FGF14: variants seen among roughly 807,000 people sequenced by gnomAD.
FGF14 encodes fibroblast growth factor 14, also known as fibroblast growth factor homologous factor 4.
In FGF14, 5 loss-of-function variants were observed where a neutral mutation model predicts 25.5. The observed-to-expected ratio is 0.20, with a 90% CI of 0.10 to 0.41. FGF14 has a LOEUF of 0.41. Ranked by LOEUF, FGF14 falls within the 10% of genes least tolerant of loss-of-function variation. The pLI is 1.00. For missense variants in FGF14, 222 were observed against 320.1 expected, an observed-to-expected ratio of 0.69 and a Z score of 2.34; for synonymous variants, 138 against 118.3, an observed-to-expected ratio of 1.17 and a Z score of -1.08.
At chr13:101,922,774 G>A (rs1013628194) in intron 1 of FGF14, among the ~76,000 whole-genome samples, 1 of 150,460 alleles carries the variant, frequency 6.6e-6, no homozygotes, top group African/African-American at 2.4e-5. Context: ...GGCATACATT[G>A]TTTGCCTTCC....
chr13:101,943,290 T>C (rs2035569252), intron 1 of FGF14, among the ~76,000 whole-genome samples: 1 of 152,176 alleles, frequency 6.6e-6, no homozygotes, highest in Non-Finnish European at 1.5e-5. Context: ...TGCTACCATC[T>C]ACTAGATTGT....
intron 1 of FGF14, among the ~76,000 whole-genome samples, chr13:102,202,143 A>T (rs1180139812): frequency 1.3e-5 from 2 of 152,188 alleles, no homozygotes; most frequent in African/African-American, 4.8e-5. Context: ...CCAGAAGCAG[A>T]TGCTGCCATG....
At chr13:101,959,405 A>T (rs1377756709) in intron 1 of FGF14, among the ~76,000 whole-genome samples, 2 of 152,100 alleles carry the variant, frequency 1.3e-5, no homozygotes, top group African/African-American at 4.8e-5. Flanking sequence ...TTGTTTAACT[A>T]CAGGTATATT....
At chr13:102,289,958 C>G (rs1049138639) in intron 1 of FGF14, among the ~76,000 whole-genome samples, 1 of 152,050 alleles carries the variant, frequency 6.6e-6, no homozygotes, top group South Asian at 2.1e-4. Flanking sequence ...GAAGTCAGAA[C>G]GTGGTAGCCT....
intron 1 of FGF14, among the ~76,000 whole-genome samples, chr13:102,230,307 T>C (rs1355808922): frequency 6.6e-6 from 1 of 152,230 alleles, no homozygotes; most frequent in South Asian, 2.1e-4. Flanking sequence ...GAGTTTATGA[T>C]ATTTCTTTAT....
chr13:101,851,960 G>C (rs1001566367), intron 3 of FGF14, among the ~76,000 whole-genome samples: 7 of 152,096 alleles, frequency 4.6e-5, no homozygotes, highest in African/African-American at 1.7e-4. Context: ...GCTTGTAGGT[G>C]GTGGAATCAG....
At chr13:102,174,682 A>T (rs1016840336) in intron 1 of FGF14, among the ~76,000 whole-genome samples, 2 of 152,160 alleles carry the variant, frequency 1.3e-5, no homozygotes, top group African/African-American at 4.8e-5. Flanking sequence ...ACAGAAAAGC[A>T]AACACCACAT....
At chr13:102,065,456 T>C (rs895695011) in intron 1 of FGF14, among the ~76,000 whole-genome samples, 23 of 152,182 alleles carry the variant, frequency 1.5e-4, no homozygotes, top group African/African-American at 5.1e-4. Context: ...TCTGGTACAT[T>C]GGTATCCCTA....
chr13:102,378,677 C>A (rs892024821), intron 1 of FGF14, among the ~76,000 whole-genome samples: 1 of 150,200 alleles, frequency 6.7e-6, no homozygotes, highest in Non-Finnish European at 1.5e-5. Flanking sequence ...TATTTAAAGG[C>A]GGTATTCTCC....
chr13:102,167,073 GGTGGATCACCT>G (rs2048043932), intron 1 of FGF14, among the ~76,000 whole-genome samples: 1 of 152,072 alleles, frequency 6.6e-6, no homozygotes, highest in South Asian at 2.1e-4. Context: ...GGCCGAGGCA[GGTGGATCACCT>G]GAGGTCAGGA....
At position 102,217,106 on chromosome 13, in the gene FGF14, A is replaced by C. The variant is rs111500561; in HGVS notation, c.208+184365T>G. 1.7e-3 allele frequency among the ~76,000 whole-genome samples: 259 copies of C among 152,324 alleles called. 2 individuals are homozygous for C. Among genetic ancestry groups the C allele is most frequent in the African/African-American group, 6.0e-3 (251 of 41,590 alleles). ...CTTGGCTATTTGTGAATAGGGCTACAATAAACACAGGAGTGCAGGTATCTT... is the reference window on the plus strand; with the variant it reads ...CTTGGCTATTTGTGAATAGGGCTACCATAAACACAGGAGTGCAGGTATCTT... On this transcript the variant is annotated intron_variant, in intron 1 of 4. Coordinates refer to the FGF14 transcript ENST00000376131.
At chr13:101,979,959 T>C (rs1331575668) in intron 1 of FGF14, among the ~76,000 whole-genome samples, 1 of 152,180 alleles carries the variant, frequency 6.6e-6, no homozygotes, top group Non-Finnish European at 1.5e-5. Flanking sequence ...CAACACTAAA[T>C]CGTTTGCTGC....
intron 1 of FGF14, among the ~76,000 whole-genome samples, chr13:101,938,114 G>A (rs937882671): frequency 2.6e-5 from 4 of 152,236 alleles, no homozygotes; most frequent in African/African-American, 4.8e-5. Flanking sequence ...GGTTCTGCCA[G>A]CCACGTGCTG....
At chr13:101,816,976 T>C (rs2041876276) in intron 3 of FGF14, among the ~76,000 whole-genome samples, 1 of 152,188 alleles carries the variant, frequency 6.6e-6, no homozygotes, top group Admixed American at 6.5e-5. Context: ...AGGCAGGTTT[T>C]GAAAGCTAAG....
intron 1 of FGF14, among the ~76,000 whole-genome samples, chr13:102,161,629 AAGAAGAAGAAGAAGAAGAAG>A (rs2047708534): frequency 1.4e-3 from 12 of 8,700 alleles, no homozygotes; most frequent in Non-Finnish European, 1.6e-3. Context: ...GAAGAAGAAG[AAGAAGAAGAAGAAGAAGAAG>A]AAGAAGAAGA....
chr13:101,955,570 C>T (rs190105817), intron 1 of FGF14, among the ~76,000 whole-genome samples: 2 of 152,306 alleles, frequency 1.3e-5, no homozygotes, highest in Non-Finnish European at 2.9e-5. Context: ...AGGTAGGTGT[C>T]AAAGTTATAG....
At chr13:101,910,135 C>T (rs1199861440) in intron 1 of FGF14, among the ~76,000 whole-genome samples, 2 of 151,928 alleles carry the variant, frequency 1.3e-5, no homozygotes, top group Non-Finnish European at 2.9e-5. Flanking sequence ...GGAGATATAC[C>T]TAATGTTAAA....
chr13:101,938,325 G>C (rs2035237709), intron 1 of FGF14, among the ~76,000 whole-genome samples: 1 of 152,332 alleles, frequency 6.6e-6, no homozygotes, highest in East Asian at 1.9e-4. Context: ...TCTGTCATGT[G>C]TATTTACCAA....
intron 1 of FGF14, among the ~76,000 whole-genome samples, chr13:102,152,424 C>T (rs1054908686): frequency 6.6e-6 from 1 of 152,160 alleles, no homozygotes; most frequent in African/African-American, 2.4e-5. Flanking sequence ...CCATTTTCTC[C>T]CTGGGTCTTC....
Sources: gnomAD v4.1 joint callset for allele counts (sites outside exome capture counted in the v4.1 genomes callset) on GRCh38, gnomAD v4.1.1 for gene constraint, MANE v1.5 for transcripts, NCBI Gene and HGNC (gene_info 2026-07-23, HGNC 2026-07-21) for gene names.